CDH13: variants seen among roughly 807,000 people sequenced by gnomAD.
The protein encoded by CDH13 is cadherin-13.
In CDH13, 24 loss-of-function variants were observed where a neutral mutation model predicts 63.8. The ratio of observed to expected loss-of-function variants is 0.38; its 90% CI spans 0.27 to 0.53. The LOEUF (loss-of-function observed/expected upper bound fraction) is 0.53, where lower values mean the gene tolerates loss of function less well. Among genes scored for constraint, CDH13 ranks in the 20% least tolerant of loss-of-function variants. The pLI, the probability that CDH13 is intolerant of heterozygous loss-of-function variation, is 0.85. For synonymous variants in CDH13, 503 were observed against 355.3 expected (o/e 1.42, Z -4.67); for missense variants, 1,049 against 903.1 (o/e 1.16, Z -2.07).
At chr16:83,662,574 G>A (rs1039162323) in intron 8 of CDH13, among the ~76,000 whole-genome samples, 3 of 152,188 alleles carry the variant, frequency 2.0e-5, no homozygotes, top group Non-Finnish European at 4.4e-5. Context: ...CCAGGAGCAG[G>A]GAGTTGAGGA....
chr16:83,733,278 A>C (rs569193697), intron 10 of CDH13, among the ~76,000 whole-genome samples: 5 of 152,308 alleles, frequency 3.3e-5, no homozygotes, highest in Non-Finnish European at 5.9e-5. Context: ...GTGCCTCCGG[A>C]TGATGATCCG....
intron 2 of CDH13, among the ~76,000 whole-genome samples, chr16:82,928,017 C>A (rs2042358755): frequency 6.6e-6 from 1 of 152,128 alleles, no homozygotes; most frequent in Non-Finnish European, 1.5e-5. Flanking sequence ...TGCTGTGTAT[C>A]TCTCATGCTT....
intron 2 of CDH13, among the ~76,000 whole-genome samples, chr16:82,955,329 A>T (rs1905913143): frequency 6.6e-6 from 1 of 152,232 alleles, no homozygotes; most frequent in Admixed American, 6.5e-5. Context: ...CAGAATTCCT[A>T]AAACATTCAA....
intron 1 of CDH13, among the ~76,000 whole-genome samples, chr16:82,801,026 T>C (rs943313900): frequency 3.9e-5 from 6 of 152,224 alleles, no homozygotes; most frequent in Middle Eastern, 3.2e-3. Flanking sequence ...GTGACCCTTA[T>C]TGAGCAAAGA....
At chr16:83,594,946 G>T (rs1043365147) in intron 7 of CDH13, among the ~76,000 whole-genome samples, 1 of 152,142 alleles carries the variant, frequency 6.6e-6, no homozygotes, top group African/African-American at 2.4e-5. Flanking sequence ...AGATTCACTC[G>T]AGGCTTTTTC....
At chr16:83,651,942 C>T (rs1912422311) in intron 8 of CDH13, among the ~76,000 whole-genome samples, 1 of 152,166 alleles carries the variant, frequency 6.6e-6, no homozygotes. Context: ...TGCGTCTCTC[C>T]TCACGCAGAT....
intron 2 of CDH13, among the ~76,000 whole-genome samples, chr16:83,013,592 T>C (rs921038362): frequency 2.0e-5 from 3 of 152,208 alleles, no homozygotes; most frequent in African/African-American, 7.2e-5. Context: ...TCTTCTCCTG[T>C]CCATCTCACC....
At chr16:82,858,863 G>C (rs1426729841) in intron 2 of CDH13, 4 of 247,622 alleles carry the variant, frequency 1.6e-5, no homozygotes, top group Admixed American at 5.2e-5. Flanking sequence ...CATAGCATTA[G>C]ATCAAAATAA....
chr16:83,522,345 C>A (rs889645744), intron 7 of CDH13, among the ~76,000 whole-genome samples: 4 of 152,132 alleles, frequency 2.6e-5, no homozygotes, highest in African/African-American at 9.7e-5. Context: ...CATCTTATGT[C>A]AATTTGTGTT....
chr16:83,150,534 T>C (rs924713070), intron 4 of CDH13, among the ~76,000 whole-genome samples: 1 of 152,214 alleles, frequency 6.6e-6, no homozygotes, highest in Non-Finnish European at 1.5e-5. Flanking sequence ...ATACATATGA[T>C]TGATTCTCAC....
Position 83,216,427 on chromosome 16 carries a change from T to TATATATAAAA in CDH13, c.484-911_484-910insAAAATATATA, listed in dbSNP as rs1555513896. On this transcript the variant is annotated intron_variant, in intron 4 of 13. Coordinates refer to ENST00000567109, the MANE Select transcript of CDH13 (RefSeq NM_001257.5). ...ATATATATATATATATATATATATA[T>TATATATAAAA]ATATATATATATATATACACAACCC... Among the ~76,000 whole-genome samples the TATATATAAAA allele has an allele frequency of 3.3e-3, 148 of 45,070 alleles. 11 individuals are homozygous for TATATATAAAA. The highest frequency in any genetic ancestry group is 8.0e-3 in the African/African-American group (135 of 16,932). 29.6% of individuals were successfully genotyped at this position (45,070 alleles called of 152,430 possible). A position where few individuals can be genotyped will look rare whatever the true frequency, so the allele number is the denominator to read the frequency against.
chr16:83,271,422 TAAAAAAAAAAAAAAAA>T (rs56382330), intron 5 of CDH13, among the ~76,000 whole-genome samples: 6 of 26,034 alleles, frequency 2.3e-4, no homozygotes, highest in African/African-American at 8.0e-4. Context: ...GCAGAGTTCA[TAAAAAAAAAAAAAAAA>T]AAAAAAAAAA....
At chr16:83,737,173 T>C (rs549220154) in intron 10 of CDH13, among the ~76,000 whole-genome samples, 4 of 152,286 alleles carry the variant, frequency 2.6e-5, no homozygotes, top group East Asian at 1.9e-4. Context: ...CTGCCCACTA[T>C]TGAAAGTGAC....
chr16:83,646,713 ACAC>A (rs1313196952), intron 8 of CDH13, among the ~76,000 whole-genome samples: 2 of 17,780 alleles, frequency 1.1e-4, no homozygotes, highest in South Asian at 1.4e-3. Context: ...AAAAAAAAAA[ACAC>A]ACACACACAC....
intron 2 of CDH13, among the ~76,000 whole-genome samples, chr16:82,863,737 A>T (rs561414798): frequency 6.6e-6 from 1 of 152,330 alleles, no homozygotes; most frequent in African/African-American, 2.4e-5. Context: ...CACTTTTCTT[A>T]TAATGGCCAT....
intron 1 of CDH13, chr16:82,689,074 G>A (rs924142519): frequency 6.6e-6 from 1 of 152,136 alleles, no homozygotes; most frequent in Non-Finnish European, 1.5e-5. Context: ...TTCATGCTTA[G>A]GGCAATAACA....
At position 83,781,478 on chromosome 16, in the gene CDH13, C is replaced by T. The variant is rs116119449; in HGVS notation, c.1915+1277C>T. Among the ~76,000 whole-genome samples the T allele has an allele frequency of 8.7e-3, 1,321 of 152,256 alleles. 9 individuals carry two copies. Among genetic ancestry groups the T allele is most frequent in the Middle Eastern group, 0.034 (10 of 294 alleles). ...CATTAGGTTTTGCAAATGTATTGTA[C>T]AATTGTGCATAACATTTTCTATTTA... On this transcript the variant is annotated intron_variant, in intron 12 of 13. Coordinates refer to ENST00000567109, the MANE Select transcript of CDH13 (RefSeq NM_001257.5).
chr16:83,592,226 A>C (rs1567790715), intron 7 of CDH13, among the ~76,000 whole-genome samples: 1 of 152,170 alleles, frequency 6.6e-6, no homozygotes, highest in Non-Finnish European at 1.5e-5. Context: ...TGAATTAAAT[A>C]AGCTCCATAT....
At position 83,017,447 on chromosome 16, in the gene CDH13, A is replaced by C. The variant is rs1304181614; in HGVS notation, c.158-14563A>C. On this transcript the variant is annotated intron_variant, in intron 2 of 13. Transcript: ENST00000567109. ...TTGAAGGAATCCACTCTCTTTCCCA[A>C]GGACCTGGAACTGGATTCTATATTA... is the stretch of plus-strand genomic sequence containing the variant. 3.9e-5 allele frequency among the ~76,000 whole-genome samples: 6 copies of C among 152,296 alleles called. No homozygotes were observed. In the South Asian group the frequency reaches 8.3e-4, roughly 21 times the overall value.
Sources: allele counts gnomAD v4.1 joint callset (sites outside exome capture counted in the v4.1 genomes callset), GRCh38; gene constraint gnomAD v4.1.1; transcripts MANE v1.5; gene names NCBI Gene and HGNC (gene_info 2026-07-23, HGNC 2026-07-21).